GPHN: variants seen among roughly 807,000 people sequenced by gnomAD.
GPHN encodes the protein gephyrin.
GPHN carries 17 observed loss-of-function variants against 95.5 expected under a neutral mutation model. That is an observed-to-expected ratio of 0.18 (90% CI 0.12 to 0.27). GPHN has a LOEUF of 0.27. Among genes scored for constraint, GPHN ranks in the 10% least tolerant of loss-of-function variants. GPHN has a pLI of 1.00. For synonymous variants in GPHN, 320 were observed against 322.5 expected, an observed-to-expected ratio of 0.99 and a Z score of 0.08; for missense variants, 660 against 978.1, an observed-to-expected ratio of 0.67 and a Z score of 4.34.
the GPHN span, among the ~76,000 whole-genome samples, chr14:67,566,623 C>T: frequency 6.6e-5 from 10 of 152,116 alleles, no homozygotes; most frequent in South Asian, 2.1e-4. Context: ...TGGCACATGC[C>T]GGTAGTCCCA....
chr14:66,767,209 A>G (rs913430553), intron 2 of GPHN, among the ~76,000 whole-genome samples: 1 of 152,014 alleles, frequency 6.6e-6, no homozygotes, highest in Non-Finnish European at 1.5e-5. Flanking sequence ...TTGAATCTAT[A>G]ATTCCCTTAG....
intron 1 of GPHN, among the ~76,000 whole-genome samples, chr14:66,592,358 G>C (rs772205251): frequency 1.3e-5 from 2 of 151,586 alleles, no homozygotes; most frequent in African/African-American, 4.9e-5. Context: ...TCATCACAGT[G>C]AACAGGCAGA....
At chr14:66,849,178 C>T (rs566325954) in intron 4 of GPHN, among the ~76,000 whole-genome samples, 5 of 151,976 alleles carry the variant, frequency 3.3e-5, no homozygotes, top group Admixed American at 6.6e-5. Context: ...TACTCCAGAT[C>T]CCTTGCTCTT....
chr14:67,479,712 C>T, the GPHN span, among the ~76,000 whole-genome samples: 5 of 151,914 alleles, frequency 3.3e-5, no homozygotes, highest in Middle Eastern at 3.4e-3. Context: ...AGTGAGACTC[C>T]GTCTCAAAAA....
At chr14:67,477,182 A>G in the GPHN span, among the ~76,000 whole-genome samples, 2 of 146,358 alleles carry the variant, frequency 1.4e-5, no homozygotes, top group Non-Finnish European at 3.0e-5. Flanking sequence ...AAAAAAAAAA[A>G]TGTTCGATAT....
At chr14:67,562,596 G>A in the GPHN span, 343,647 of 1,611,786 alleles carry the variant, frequency 0.21, 38,546 homozygotes, top group East Asian at 0.28. Context: ...GGCACCCCGC[G>A]GGACAGCATC....
the GPHN span, among the ~76,000 whole-genome samples, chr14:67,449,668 C>T: frequency 6.6e-6 from 1 of 152,308 alleles, no homozygotes; most frequent in Non-Finnish European, 1.5e-5. Context: ...CCACCCAAAT[C>T]TCATCTTGTA....
chr14:67,436,833 A>G, the GPHN span, among the ~76,000 whole-genome samples: 1 of 152,158 alleles, frequency 6.6e-6, no homozygotes, highest in Non-Finnish European at 1.5e-5. Flanking sequence ...AGATGGGAGG[A>G]TCACATGAGC....
chr14:67,418,326 G>A, the GPHN span, among the ~76,000 whole-genome samples: 9 of 152,120 alleles, frequency 5.9e-5, no homozygotes, highest in Non-Finnish European at 1.2e-4. Context: ...GTCTTCTTTG[G>A]CTAAATTGTG....
chr14:66,759,837 A>T (rs1165601584), intron 2 of GPHN, among the ~76,000 whole-genome samples: 1 of 152,218 alleles, frequency 6.6e-6, no homozygotes, highest in Non-Finnish European at 1.5e-5. Context: ...CTGTATACAT[A>T]AGTGAAATAT....
the GPHN span, chr14:67,386,018 G>A: frequency 6.6e-6 from 1 of 152,120 alleles, no homozygotes; most frequent in Non-Finnish European, 1.5e-5. Context: ...CCAACCCCAA[G>A]GTAATGGTCA....
the GPHN span, among the ~76,000 whole-genome samples, chr14:67,422,876 G>T: frequency 8.4e-5 from 12 of 143,504 alleles, no homozygotes; most frequent in Non-Finnish European, 1.6e-4. Flanking sequence ...TTGTTGCCCA[G>T]GCTGGAGTAC....
chr14:66,685,578 A>C (rs1266651574), intron 2 of GPHN, among the ~76,000 whole-genome samples: 1 of 152,026 alleles, frequency 6.6e-6, no homozygotes, highest in Non-Finnish European at 1.5e-5. Context: ...CATATCCTTC[A>C]CCCACTTTTT....
chr14:67,268,366 G>A, the GPHN span, among the ~76,000 whole-genome samples: 1 of 152,212 alleles, frequency 6.6e-6, no homozygotes, highest in Admixed American at 6.5e-5. Context: ...AGATCCCAGA[G>A]AGGGTTCTTG....
At chr14:66,619,975 G>A (rs900069437) in intron 1 of GPHN, among the ~76,000 whole-genome samples, 4 of 152,140 alleles carry the variant, frequency 2.6e-5, no homozygotes, top group Non-Finnish European at 4.4e-5. Flanking sequence ...GATGTAAGGA[G>A]ATTCCTCAGG....
intron 1 of GPHN, among the ~76,000 whole-genome samples, chr14:66,583,212 G>A (rs1024479407): frequency 1.6e-4 from 24 of 152,124 alleles, no homozygotes; most frequent in African/African-American, 4.8e-4. Flanking sequence ...CATATTCTTT[G>A]CCCACTTTTT....
intron 19 of GPHN, among the ~76,000 whole-genome samples, chr14:67,164,741 C>T (rs112537642): frequency 3.8e-4 from 58 of 152,214 alleles, no homozygotes; most frequent in African/African-American, 1.3e-3. Context: ...ATCCACCCCC[C>T]TCAGCCTCCC....
intron 1 of GPHN, among the ~76,000 whole-genome samples, chr14:66,537,109 G>A (rs2059172180): frequency 6.6e-6 from 1 of 151,062 alleles, no homozygotes; most frequent in Admixed American, 6.6e-5. Context: ...CTTCTTTTTA[G>A]TTCAGCCAAT....
At chr14:67,455,848 C>A in the GPHN span, among the ~76,000 whole-genome samples, 1 of 152,166 alleles carries the variant, frequency 6.6e-6, no homozygotes, top group Non-Finnish European at 1.5e-5. Context: ...ATGATCCCTA[C>A]CCTCTGGAGC....
Sources: allele counts gnomAD v4.1 joint callset (sites outside exome capture counted in the v4.1 genomes callset), GRCh38; gene constraint gnomAD v4.1.1; transcripts MANE v1.5; gene names NCBI Gene and HGNC (gene_info 2026-07-23, HGNC 2026-07-21).